TMC3: variants seen among roughly 807,000 people sequenced by gnomAD.
TMC3 encodes transmembrane channel like 3.
Under a neutral mutation model 110.6 loss-of-function variants are expected in TMC3, and 98 were observed. The ratio of observed to expected loss-of-function variants is 0.89; its 90% CI spans 0.75 to 1.05. The LOEUF is 1.05. Among genes scored for constraint, TMC3 ranks in the 50% least tolerant of loss-of-function variants. The pLI, the probability that TMC3 is intolerant of heterozygous loss-of-function variation, is 0.00. For missense variants in TMC3, 1,319 were observed against 1,373.2 expected (o/e 0.96, Z 0.62); for synonymous variants, 489 against 513.1 (o/e 0.95, Z 0.63).
chr15:81,338,245 C>T (rs1184082728), intron 18 of TMC3, among the ~76,000 whole-genome samples: 1 of 152,206 alleles, frequency 6.6e-6, no homozygotes, highest in Non-Finnish European at 1.5e-5. Flanking sequence ...ACAGGATCCA[C>T]TCACTTTTAT....
chr15:81,344,815 A>G lies in TMC3; in HGVS notation c.1469T>C (p.Leu490Pro). Residue 490 changes from leucine (L) to proline (P), a missense_variant, in exon 13 of 22, where the codon CTC becomes CCC. Transcript: ENST00000359440. ...MPLIKANKTSLHTQSPQDQCW... is the reference protein window; with the variant it reads ...MPLIKANKTSPHTQSPQDQCW... ...CTGGTCTTGTGGACTCTGAGTGTGG[A>G]GGCTAGTCTTGTTGGCCTTTATAAG... is the stretch of plus-strand genomic sequence containing the variant. 1 of 1,613,914 alleles carries G rather than the reference A, an allele frequency of 6.2e-7. No individual in the cohort carries two copies. The highest frequency in any genetic ancestry group is 8.5e-7 in the Non-Finnish European group (1 of 1,179,874).
At position 81,373,887 on chromosome 15, in the gene TMC3, A is replaced by T. The variant is rs535037028; in HGVS notation, c.89+102T>A. On this transcript the variant is annotated intron_variant, in intron 1 of 21. Coordinates refer to ENST00000359440, the MANE Select transcript of TMC3 (RefSeq NM_001080532.3). ...AGTTTCTGAGTTCATTCTGAAGGAC[A>T]ACTGAGCAGGACAGGGACTTTGTCC... 2.0e-4 allele frequency: 220 copies of T among 1,102,652 alleles called. 5 individuals are homozygous for T. In the South Asian group the frequency reaches 2.8e-3, roughly 14 times the overall value. The allele number at this position is 1,102,652 out of a possible 1,614,324, so 68.3% of individuals were successfully genotyped here. A position where few individuals can be genotyped will look rare whatever the true frequency, so the allele number is the denominator to read the frequency against.
Position 81,337,896 on chromosome 15 carries a change from C to A in TMC3, c.2110G>T (p.Ala704Ser), listed in dbSNP as rs759090667. 16 of 1,613,870 alleles carry A rather than the reference C, an allele frequency of 9.9e-6. 1 individual carries two copies. In the South Asian group the frequency reaches 1.8e-4, roughly 18 times the overall value. ...TGGTTGCTGAGCTTTAGAGACCGTGCGATGCTCTGGAGATAATAGATGAGC... is the reference window on the plus strand; with the variant it reads ...TGGTTGCTGAGCTTTAGAGACCGTGAGATGCTCTGGAGATAATAGATGAGC... ...FMLIYYLQSI[A>S]RSLKLSNHQL... Residue 704 changes from alanine to serine, a missense_variant, in exon 19 of 22, where the codon GCA becomes TCA. Transcript: ENST00000359440.
In TMC3 at chr15:81,356,479, T is replaced by C; in HGVS notation, c.859A>G (p.Ser287Gly). Residue 287 changes from serine to glycine, a missense_variant, in exon 8 of 22, where the codon AGC (serine) becomes GGC (glycine). Transcript: ENST00000359440. ...YLIGNPEAAE[S>G]KTAAIVNSIR... ...CTGTTCACTATGGCAGCTGTTTTGC[T>C]CTCTGCAGCCTCTGGGTTTCCAATG... The C allele has an allele frequency of 6.4e-7, 1 of 1,568,308 alleles. No individual in the cohort carries two copies. The highest frequency in any genetic ancestry group is 1.2e-5 in the South Asian group (1 of 85,094).
intron 16 of TMC3, among the ~76,000 whole-genome samples, chr15:81,341,042 T>A (rs539963984): frequency 6.6e-6 from 1 of 152,360 alleles, no homozygotes; most frequent in South Asian, 2.1e-4. Context: ...CAAGTGGGCA[T>A]GCTCTGGTTG....
chr15:81,344,785 C>A lies in TMC3; in HGVS notation c.1499G>T (p.Trp500Leu). The change falls in exon 13 of 22, where the codon TGG becomes TTG. Residue 500 changes from tryptophan to leucine, a missense_variant. Transcript: ENST00000359440. ...LHTQSPQDQC[W>L]ETYVGQEMLK... ...AACCACCTGACCAACGTATGTCTCC[C>A]AGCACTGGTCTTGTGGACTCTGAGT... The A allele has an allele frequency of 6.2e-7, 1 of 1,613,894 alleles. No homozygotes were observed. Among genetic ancestry groups the A allele is most frequent in the Non-Finnish European group, 8.5e-7 (1 of 1,179,880 alleles).
At chr15:81,357,872 A>G (rs1425386491) in intron 7 of TMC3, among the ~76,000 whole-genome samples, 1 of 152,240 alleles carries the variant, frequency 6.6e-6, no homozygotes, top group African/African-American at 2.4e-5. Flanking sequence ...TATAGGACCT[A>G]GTACAAAGCA....
At chr15:81,341,357 T>G in intron 16 of TMC3, 33 bp downstream of exon 16, 1 of 1,586,438 alleles carries the variant, frequency 6.3e-7, no homozygotes, top group Non-Finnish European at 8.6e-7. Context: ...GTATATATAG[T>G]TATCTGCATG....
chr15:81,370,443 G>A (rs146604152), intron 2 of TMC3, among the ~76,000 whole-genome samples: 258 of 152,222 alleles, frequency 1.7e-3, no homozygotes, highest in African/African-American at 5.6e-3. Context: ...GACCCTGGCC[G>A]CTGGCTGAAC....
At position 81,344,798 on chromosome 15, in the gene TMC3, G is replaced by C; in HGVS notation, c.1486C>G (p.Gln496Glu). Residue 496 changes from glutamine to glutamate, a missense_variant, in exon 13 of 22, where the codon CAA becomes GAA. Physicochemically the swap from Gln to Glu is conservative, Grantham distance 29 (BLOSUM62 2). Coordinates refer to ENST00000359440, the MANE Select transcript of TMC3 (RefSeq NM_001080532.3). ...ACGTATGTCTCCCAGCACTGGTCTTGTGGACTCTGAGTGTGGAGGCTAGTC... is the reference window on the plus strand; with the variant it reads ...ACGTATGTCTCCCAGCACTGGTCTTCTGGACTCTGAGTGTGGAGGCTAGTC... ...NKTSLHTQSP[Q>E]DQCWETYVGQ... 1 of 1,613,954 alleles carries C rather than the reference G, an allele frequency of 6.2e-7. No individual in the cohort carries two copies. The highest frequency in any genetic ancestry group is 8.5e-7 in the Non-Finnish European group (1 of 1,179,882).
intron 11 of TMC3, 131 bp from the exon 12 acceptor site, chr15:81,346,574 G>A (rs1893833773): frequency 1.2e-6 from 1 of 846,526 alleles, no homozygotes; most frequent in African/African-American, 1.7e-5. Flanking sequence ...GTTTCCTCTA[G>A]AATCACCTTG....
At chr15:81,349,759 CTTT>C in intron 10 of TMC3, among the ~76,000 whole-genome samples, 192 bp from the exon 11 acceptor site, 2 of 129,450 alleles carry the variant, frequency 1.5e-5, no homozygotes, top group South Asian at 2.4e-4. Context: ...TTATCATGGT[CTTT>C]TTTTTTTTTT....
At chr15:81,341,878 A>C (rs1324818540) in intron 15 of TMC3, among the ~76,000 whole-genome samples, 4 of 152,204 alleles carry the variant, frequency 2.6e-5, no homozygotes, top group East Asian at 1.9e-4. Context: ...TGTGCTAATA[A>C]ATTACTGCCT....
intron 10 of TMC3, among the ~76,000 whole-genome samples, chr15:81,350,852 A>T (rs1893931475): frequency 6.6e-6 from 1 of 152,210 alleles, no homozygotes; most frequent in Non-Finnish European, 1.5e-5. Context: ...ATAACCGTTC[A>T]CTTGGTGATT....
At position 81,333,216 on chromosome 15, in the gene TMC3, T is replaced by C; in HGVS notation, c.2506A>G (p.Arg836Gly). Residue 836 changes from arginine (R) to glycine (G), a missense_variant, in exon 22 of 22, where the codon AGA (arginine) becomes GGA (glycine). Coordinates refer to ENST00000359440, the MANE Select transcript of TMC3 (RefSeq NM_001080532.3). ...GTAAATGTCATAGGTGTGCGCGATC[T>C]GTTCCTGTGAAGGTCACTGGTGCTT... ...CASTSDLHRN[R>G]SRTPMTFTTH... 6.2e-7 allele frequency: 1 copy of C among 1,613,800 alleles called. No homozygotes were observed. Among genetic ancestry groups the C allele is most frequent in the East Asian group, 2.2e-5 (1 of 44,872 alleles).
At chr15:81,370,067 T>G (rs1437843846) in intron 2 of TMC3, among the ~76,000 whole-genome samples, 1 of 152,084 alleles carries the variant, frequency 6.6e-6, no homozygotes, top group Non-Finnish European at 1.5e-5. Context: ...TGATTGGGTG[T>G]GGAGGTAGCA....
At chr15:81,340,103 G>A (rs1238878474) in intron 16 of TMC3, among the ~76,000 whole-genome samples, 5 of 152,198 alleles carry the variant, frequency 3.3e-5, no homozygotes, top group Admixed American at 1.3e-4. Context: ...CCTGAGGGCA[G>A]CTTAGATCTG....
At chr15:81,354,736 C>A (rs1894022366) in intron 9 of TMC3, among the ~76,000 whole-genome samples, 1 of 152,072 alleles carries the variant, frequency 6.6e-6, no homozygotes, top group African/African-American at 2.4e-5. Context: ...CCACTGGGGA[C>A]CTTGGGCAGA....
In TMC3 at chr15:81,368,298, T is replaced by C. The variant is rs777612165; in HGVS notation, c.267A>G (p.Glu89=). ...AGCCTCGGGTCCTGGTCAGCCTCCC[T>C]TCAAACTTCAGCACAATGTTCTTCG... ...RQAKNIVLKF[E]GRLTRTRGYQ... The change falls in exon 3 of 22, where the codon GAA becomes GAG. Residue 89 remains glutamate, a synonymous_variant. Transcript: ENST00000359440. 2.5e-6 allele frequency: 4 copies of C among 1,613,548 alleles called. No individual in the cohort carries two copies. The African/African-American group carries it at 5.3e-5, about 22-fold the overall frequency.
Sources: gnomAD v4.1 joint callset for allele counts (sites outside exome capture counted in the v4.1 genomes callset) on GRCh38, gnomAD v4.1.1 for gene constraint, MANE v1.5 for transcripts, NCBI Gene and HGNC (gene_info 2026-07-23, HGNC 2026-07-21) for gene names.